ADGRF1: variants seen among roughly 807,000 people sequenced by gnomAD.
The protein encoded by ADGRF1 is adhesion G protein-coupled receptor F1.
ADGRF1 carries 85 observed loss-of-function variants against 87.2 expected under a neutral mutation model. The observed-to-expected ratio is 0.97, with a 90% CI of 0.82 to 1.17. The LOEUF is 1.17. Ranked by LOEUF, ADGRF1 falls within the 50% of genes most tolerant of loss-of-function variation. The pLI is 0.00. For missense variants in ADGRF1, 1,169 were observed against 1,077.2 expected (o/e 1.09, Z -1.19); for synonymous variants, 430 against 408.8 (o/e 1.05, Z -0.63).
chr6:47,029,984 A>T (rs1461388123), intron 1 of ADGRF1, among the ~76,000 whole-genome samples: 2 of 152,232 alleles, frequency 1.3e-5, no homozygotes, highest in Admixed American at 1.3e-4. Context: ...ACAGGAGAAG[A>T]TGAGAAAGTT....
At chr6:47,013,643 C>A in intron 9 of ADGRF1, 1 of 985,400 alleles carries the variant, frequency 1.0e-6, no homozygotes, top group African/African-American at 1.7e-5. Context: ...AAGAGAGCAT[C>A]ATGTGGAGGG....
At chr6:47,026,568 T>C (rs1320703964) in intron 3 of ADGRF1, among the ~76,000 whole-genome samples, 2 of 152,176 alleles carry the variant, frequency 1.3e-5, no homozygotes, top group Non-Finnish European at 2.9e-5. Flanking sequence ...CAGCTCATCA[T>C]TTCTGCACAG....
intron 1 of ADGRF1, among the ~76,000 whole-genome samples, chr6:47,039,987 G>A (rs57177650): frequency 1.3e-5 from 2 of 151,164 alleles, no homozygotes; most frequent in Non-Finnish European, 2.9e-5. Context: ...TAAATAAATA[G>A]ATAAATAAAA....
At chr6:47,019,171 A>G (rs1464232431) in intron 7 of ADGRF1, 51 of 562,440 alleles carry the variant, frequency 9.1e-5, no homozygotes, top group Non-Finnish European at 1.1e-4. Flanking sequence ...GAGACAGCTT[A>G]TAAGATATGC....
intron 1 of ADGRF1, among the ~76,000 whole-genome samples, chr6:47,034,862 T>C (rs900364034): frequency 6.6e-6 from 1 of 152,244 alleles, no homozygotes; most frequent in Non-Finnish European, 1.5e-5. Flanking sequence ...AGTTTGTGTT[T>C]CCTTTGCCAC....
chr6:47,032,757 C>T (rs1462127158), intron 1 of ADGRF1, among the ~76,000 whole-genome samples: 1 of 152,190 alleles, frequency 6.6e-6, no homozygotes, highest in Non-Finnish European at 1.5e-5. Flanking sequence ...TTCAACCTTA[C>T]CATCAGTTTT....
At chr6:47,024,369 C>A in intron 4 of ADGRF1, 152 bp from the exon 5 acceptor site, 1 of 609,474 alleles carries the variant, frequency 1.6e-6, no homozygotes, top group Non-Finnish European at 2.8e-6. Flanking sequence ...GGCTAGAATA[C>A]AGTGGCATGA....
At chr6:47,013,191 G>A (rs1017955844) in intron 9 of ADGRF1, 42 of 985,468 alleles carry the variant, frequency 4.3e-5, no homozygotes, top group African/African-American at 4.2e-4. Flanking sequence ...CCACTCAGGC[G>A]CCCAAGTGCC....
rs1464597161 is a variant in ADGRF1, at chr6:47,009,674, C to T, written c.1761G>A (p.Trp587Ter). Residue 587 changes from tryptophan (W) to a stop codon, truncating the protein, a stop_gained, in exon 11 of 15, where the codon TGG (tryptophan) becomes TGA (stop). Coordinates refer to ENST00000371253, the MANE Select transcript of ADGRF1 (RefSeq NM_153840.4). LOFTEE classifies it high-confidence loss of function. ...AGATACCCAGTCCCACATAGGTGAT[C>T]CATTTTACAACGGGGAAGATTGTAG... ...VPSTIFPVVK[W>*]ITYVGLGISI... The T allele has an allele frequency of 5.0e-6, 8 of 1,614,144 alleles. No homozygotes were observed. Among genetic ancestry groups the T allele is most frequent in the Non-Finnish European group, 6.8e-6 (8 of 1,180,028 alleles).
chr6:47,010,104 C>T lies in ADGRF1; in HGVS notation c.1331G>A (p.Gly444Asp), dbSNP rs200594299. 2.1e-4 allele frequency: 341 copies of T among 1,614,006 alleles called. No individual in the cohort carries two copies. The highest frequency in any genetic ancestry group is 2.8e-4 in the Non-Finnish European group (331 of 1,180,026). Reference protein sequence around the residue: ...IPVNKSQLKRGYSYQIKMCPQ... With the variant: ...IPVNKSQLKRDYSYQIKMCPQ... ...ACACATTTTAATCTGATAGCTGTAA[C>T]CCCTTTTGAGTTGGCTTTTGTTCAC... Residue 444 changes from glycine to aspartate, a missense_variant, in exon 11 of 15, where the codon GGT becomes GAT. Transcript: ENST00000371253.
At chr6:47,026,419 C>A (rs977794130) in intron 3 of ADGRF1, among the ~76,000 whole-genome samples, 1 of 151,838 alleles carries the variant, frequency 6.6e-6, no homozygotes, top group African/African-American at 2.4e-5. Context: ...AGTATAAGAC[C>A]CCTCAATCTC....
At chr6:47,013,297 C>G (rs1171184486) in intron 9 of ADGRF1, 2 of 985,410 alleles carry the variant, frequency 2.0e-6, no homozygotes, top group Non-Finnish European at 2.4e-6. Flanking sequence ...AACTATTGCT[C>G]ATGTCCAGAA....
intron 12 of ADGRF1, 141 bp downstream of exon 12, chr6:47,007,112 G>T (rs1186316064): frequency 8.1e-6 from 4 of 491,718 alleles, no homozygotes; most frequent in Non-Finnish European, 1.5e-5. Context: ...GACTGAGCCT[G>T]ACTTCTCTAA....
Position 47,009,562 on chromosome 6 carries a change from T to A in ADGRF1, c.1873A>T (p.Ile625Phe), listed in dbSNP as rs374843683. The A allele has an allele frequency of 3.5e-5, 56 of 1,613,960 alleles. No homozygotes were observed. Among genetic ancestry groups the A allele is most frequent in the Non-Finnish European group, 4.6e-5 (54 of 1,180,012 alleles). Residue 625 changes from isoleucine (I) to phenylalanine (F), a missense_variant, in exon 11 of 15, where the codon ATT (isoleucine) becomes TTT (phenylalanine). Ile to Phe is a conservative substitution (Grantham distance 21, BLOSUM62 0). Coordinates refer to ENST00000371253, the MANE Select transcript of ADGRF1 (RefSeq NM_153840.4). ...GACAGGGCTATGTTCACCATGCAAATACGACGTGTGTGAGAGGTTTGGCTT... is the reference window on the plus strand; with the variant it reads ...GACAGGGCTATGTTCACCATGCAAAAACGACGTGTGTGAGAGGTTTGGCTT... ...KKSQTSHTRR[I>F]CMVNIALSLL...
chr6:47,004,956 A>C (rs1009596654), intron 13 of ADGRF1, among the ~76,000 whole-genome samples: 1 of 152,206 alleles, frequency 6.6e-6, no homozygotes, highest in Non-Finnish European at 1.5e-5. Context: ...AATGCAGACC[A>C]AGGAAGACTT....
At position 47,014,711 on chromosome 6, in the gene ADGRF1, A is replaced by T; in HGVS notation, c.897T>A (p.Cys299Ter). The T allele has an allele frequency of 6.2e-7, 1 of 1,613,956 alleles. No homozygotes were observed. The highest frequency in any genetic ancestry group is 1.1e-5 in the South Asian group (1 of 91,064). ...SSGWQVIRETCVLSLLEELNK... is the reference protein window; with the variant it reads ...SSGWQVIRET ...TCAGTTCTTCAAGCAGAGAGAGCAC[A>T]CAAGTCTCCCTGATGACCTGCCACC... Residue 299 changes from cysteine (C) to a stop codon, truncating the protein, a stop_gained, in exon 9 of 15, where the codon TGT becomes TGA. Transcript: ENST00000371253. LOFTEE classifies it high-confidence loss of function.
In ADGRF1 at chr6:46,999,640, G is replaced by A. The variant is rs16875384; in HGVS notation, c.*582C>T. The A allele has an allele frequency of 0.28, 42,515 of 152,382 alleles. 6,012 individuals are homozygous for A. Among genetic ancestry groups the A allele is most frequent in the South Asian group, 0.38 (1,818 of 4,840 alleles). 9.4% of individuals were successfully genotyped at this position (152,382 alleles called of 1,614,324 possible). ...ATACTTTCTGATAAATGGTTACAAA[G>A]CTATCTGAAATAGAAGTTTACATTT... is the stretch of plus-strand genomic sequence containing the variant. On this transcript the variant is annotated 3_prime_UTR_variant, in exon 15 of 15. Transcript: ENST00000371253.
In ADGRF1 at chr6:47,014,757, G is replaced by T. The variant is rs376757325; in HGVS notation, c.851C>A (p.Thr284Lys). 19 of 1,613,898 alleles carry T rather than the reference G, an allele frequency of 1.2e-5. No homozygotes were observed. The highest frequency in any genetic ancestry group is 1.5e-5 in the Non-Finnish European group (18 of 1,179,982). The change falls in exon 9 of 15, where the codon ACA becomes AAA. Residue 284 changes from threonine to lysine, a missense_variant. Physicochemically the swap from Thr to Lys is moderately conservative, Grantham distance 78 (BLOSUM62 -1). Coordinates refer to ENST00000371253, the MANE Select transcript of ADGRF1 (RefSeq NM_153840.4). Reference protein sequence around the residue: ...PCSSGYRGNITAKCESSGWQV... With the variant: ...PCSSGYRGNIKAKCESSGWQV... ...CCACCCAGAGGACTCACACTTGGCT[G>T]TGATGTTTCCCCTGTAGCCACTGCT...
At chr6:47,041,268 C>T (rs1780735350) in intron 1 of ADGRF1, among the ~76,000 whole-genome samples, 1 of 152,094 alleles carries the variant, frequency 6.6e-6, no homozygotes, top group South Asian at 2.1e-4. Flanking sequence ...TAATAAAAGG[C>T]TTGTGTTAAT....
Sources: gnomAD v4.1 joint callset for allele counts (sites outside exome capture counted in the v4.1 genomes callset) on GRCh38, gnomAD v4.1.1 for gene constraint, MANE v1.5 for transcripts, NCBI Gene and HGNC (gene_info 2026-07-23, HGNC 2026-07-21) for gene names.